SLC25A21: variants seen among roughly 807,000 people sequenced by gnomAD.
The protein encoded by SLC25A21 is mitochondrial 2-oxodicarboxylate carrier.
In SLC25A21, 47 loss-of-function variants were observed where a neutral mutation model predicts 43.8. The observed-to-expected ratio is 1.07, with a 90% CI of 0.85 to 1.37. The LOEUF (loss-of-function observed/expected upper bound fraction) is 1.37. Ranked by LOEUF, SLC25A21 falls within the 40% of genes most tolerant of loss-of-function variation. The pLI is 0.00. For missense variants in SLC25A21, 352 were observed against 350.2 expected, an observed-to-expected ratio of 1.00 and a Z score of -0.04; for synonymous variants, 131 against 121.3, an observed-to-expected ratio of 1.08 and a Z score of -0.52.
chr14:36,868,883 G>A (rs1890288441), intron 2 of SLC25A21, among the ~76,000 whole-genome samples: 1 of 152,198 alleles, frequency 6.6e-6, no homozygotes, highest in Non-Finnish European at 1.5e-5. Flanking sequence ...GAAAGCAGAG[G>A]ACTTCTCCCA....
intron 1 of SLC25A21, among the ~76,000 whole-genome samples, chr14:37,055,618 A>G (rs1032285538): frequency 2.6e-5 from 4 of 152,084 alleles, no homozygotes; most frequent in South Asian, 2.1e-4. Context: ...CAAGGTGTCT[A>G]TGTTGGAGAG....
chr14:37,149,525 T>A (rs963514140), intron 1 of SLC25A21, among the ~76,000 whole-genome samples: 3 of 151,880 alleles, frequency 2.0e-5, no homozygotes, highest in Admixed American at 6.6e-5. Flanking sequence ...TGAAACCCCA[T>A]CTCTACTAAA....
intron 6 of SLC25A21, among the ~76,000 whole-genome samples, chr14:36,720,423 G>C (rs1231728307): frequency 1.3e-5 from 2 of 152,242 alleles, no homozygotes; most frequent in Non-Finnish European, 2.9e-5. Context: ...AGGGTAGACA[G>C]GTTGAACAGC....
chr14:37,130,155 T>C (rs1005422833), intron 1 of SLC25A21, among the ~76,000 whole-genome samples: 6 of 151,590 alleles, frequency 4.0e-5, no homozygotes, highest in African/African-American at 1.2e-4. Context: ...CCCAGCTAAC[T>C]TGAGAGGCTA....
At chr14:36,933,620 CA>C (rs1251738219) in intron 1 of SLC25A21, among the ~76,000 whole-genome samples, 5 of 152,096 alleles carry the variant, frequency 3.3e-5, no homozygotes, top group Admixed American at 2.6e-4. Context: ...ACACCAACAC[CA>C]AACAGAGGAG....
intron 1 of SLC25A21, among the ~76,000 whole-genome samples, chr14:37,093,296 C>T (rs985284467): frequency 6.6e-6 from 1 of 152,180 alleles, no homozygotes; most frequent in Non-Finnish European, 1.5e-5. Flanking sequence ...CTTTCTCCTG[C>T]TCACCCCACA....
At chr14:36,776,306 G>C (rs1441029038) in intron 3 of SLC25A21, among the ~76,000 whole-genome samples, 1 of 131,978 alleles carries the variant, frequency 7.6e-6, no homozygotes, top group Non-Finnish European at 1.5e-5. Context: ...GCTCGATCTC[G>C]GCTCACTGCA....
intron 2 of SLC25A21, among the ~76,000 whole-genome samples, chr14:36,868,846 G>A (rs569173318): frequency 1.8e-4 from 28 of 152,264 alleles, no homozygotes; most frequent in Non-Finnish European, 3.4e-4. Context: ...CTGGTGAGTG[G>A]GATTCTGAAG....
chr14:37,083,270 C>T (rs1962422370), intron 1 of SLC25A21, among the ~76,000 whole-genome samples: 1 of 152,100 alleles, frequency 6.6e-6, no homozygotes, highest in Admixed American at 6.5e-5. Context: ...CATTAAGAGC[C>T]TATTATTTTC....
chr14:36,695,702 GCTCT>G (rs976054425), intron 7 of SLC25A21, among the ~76,000 whole-genome samples: 14 of 152,118 alleles, frequency 9.2e-5, no homozygotes, highest in South Asian at 8.3e-4. Flanking sequence ...TCATGATTTG[GCTCT>G]CTGTCTGTTA....
intron 6 of SLC25A21, among the ~76,000 whole-genome samples, chr14:36,720,834 T>C (rs1884342263): frequency 6.6e-6 from 1 of 152,240 alleles, no homozygotes. Flanking sequence ...TTTATGATAA[T>C]GGGCCCTTAT....
chr14:36,841,477 T>A (rs1053990358), intron 2 of SLC25A21, among the ~76,000 whole-genome samples: 2 of 152,102 alleles, frequency 1.3e-5, no homozygotes, highest in African/African-American at 4.8e-5. Context: ...TCCTCCTGCA[T>A]TTTTTTCCCC....
chr14:37,097,304 T>C (rs1962717550), intron 1 of SLC25A21: 1 of 152,058 alleles, frequency 6.6e-6, no homozygotes, highest in Non-Finnish European at 1.5e-5. Flanking sequence ...TTTCGCCATG[T>C]TACCCAAGCT....
At chr14:36,727,086 G>C (rs561927939) in intron 5 of SLC25A21, among the ~76,000 whole-genome samples, 1 of 152,280 alleles carries the variant, frequency 6.6e-6, no homozygotes, top group South Asian at 2.1e-4. Flanking sequence ...ATAGACAAAG[G>C]TGCCCAACCA....
At chr14:37,088,827 G>A (rs1401013524) in intron 1 of SLC25A21, among the ~76,000 whole-genome samples, 1 of 152,134 alleles carries the variant, frequency 6.6e-6, no homozygotes, top group African/African-American at 2.4e-5. Context: ...CGACAGTAAG[G>A]CTTGTCCCTG....
At chr14:37,043,292 G>A (rs1190549783) in intron 1 of SLC25A21, among the ~76,000 whole-genome samples, 3 of 152,130 alleles carry the variant, frequency 2.0e-5, no homozygotes, top group African/African-American at 7.2e-5. Flanking sequence ...AATGAAAACT[G>A]CAATTCTGAG....
chr14:36,939,442 T>C (rs1264732375), intron 1 of SLC25A21, among the ~76,000 whole-genome samples: 1 of 151,998 alleles, frequency 6.6e-6, no homozygotes, highest in Non-Finnish European at 1.5e-5. Context: ...TAAATGGCCA[T>C]GTCAAATAAA....
intron 3 of SLC25A21, among the ~76,000 whole-genome samples, chr14:36,745,694 T>A (rs949005369): frequency 1.3e-5 from 2 of 152,178 alleles, no homozygotes; most frequent in Non-Finnish European, 2.9e-5. Flanking sequence ...TGGGGTTGTT[T>A]ATTTTTTTCT....
At chr14:36,720,589 A>ATG (rs1232494051) in intron 6 of SLC25A21, among the ~76,000 whole-genome samples, 3 of 152,264 alleles carry the variant, frequency 2.0e-5, no homozygotes, top group Non-Finnish European at 4.4e-5. Context: ...GTTCCACCAC[A>ATG]ACTAGGAGCT....
Sources: allele counts gnomAD v4.1 joint callset (sites outside exome capture counted in the v4.1 genomes callset), GRCh38; gene constraint gnomAD v4.1.1; transcripts MANE v1.5; gene names NCBI Gene and HGNC (gene_info 2026-07-23, HGNC 2026-07-21).